EXOC2: variants seen among roughly 807,000 people sequenced by gnomAD.
The protein encoded by EXOC2 is SEC5-like 1.
A neutral mutation model predicts 131.8 loss-of-function variants in EXOC2; 70 were observed. That is an observed-to-expected ratio of 0.53 (90% CI 0.44 to 0.65). The LOEUF (loss-of-function observed/expected upper bound fraction) is 0.65, where lower values mean the gene tolerates loss of function less well. EXOC2 is among the 30% of genes least tolerant of loss of function. The pLI, the probability that EXOC2 is intolerant of heterozygous loss-of-function variation, is 0.00. For missense variants in EXOC2, 923 were observed against 1,108.6 expected, an observed-to-expected ratio of 0.83 and a Z score of 2.38; for synonymous variants, 411 against 398.4, an observed-to-expected ratio of 1.03 and a Z score of -0.38.
chr6:515,705 G>A (rs1473837940), intron 23 of EXOC2, among the ~76,000 whole-genome samples: 1 of 149,788 alleles, frequency 6.7e-6, no homozygotes, highest in African/African-American at 2.5e-5. Flanking sequence ...ATCATACAAC[G>A]ATTTCCAACA....
At chr6:683,200 C>T (rs1248698843) in intron 1 of EXOC2, among the ~76,000 whole-genome samples, 1 of 152,186 alleles carries the variant, frequency 6.6e-6, no homozygotes, top group Non-Finnish European at 1.5e-5. Context: ...AACATCAACA[C>T]CACCAACTCC....
intron 20 of EXOC2, among the ~76,000 whole-genome samples, chr6:554,190 C>T (rs890480970): frequency 2.0e-5 from 3 of 152,024 alleles, no homozygotes; most frequent in Admixed American, 6.6e-5. Context: ...TACAGGCGCC[C>T]GCCACCATGC....
intron 1 of EXOC2, among the ~76,000 whole-genome samples, chr6:686,779 G>C (rs1388952052): frequency 2.6e-5 from 4 of 152,218 alleles, no homozygotes; most frequent in African/African-American, 7.2e-5. Context: ...ATGTTGCACA[G>C]GGAAAGGCTG....
chr6:490,091 AATGTG>A (rs1379033996), intron 26 of EXOC2, among the ~76,000 whole-genome samples: 1 of 152,240 alleles, frequency 6.6e-6, no homozygotes, highest in Non-Finnish European at 1.5e-5. Context: ...AATTGAAAGA[AATGTG>A]ATGTAATTGT....
Position 633,208 on chromosome 6 carries a change from T to G in EXOC2, c.119-91A>C. ...ATTACATTTTTTAAATCTAGTCTTG[T>G]TCAATAATGACATTATTGAATATAC... On this transcript the variant is annotated intron_variant, in intron 2 of 27. Transcript: ENST00000230449. 3.7e-6 allele frequency: 5 copies of G among 1,365,674 alleles called. No homozygotes were observed. In the South Asian group the frequency reaches 6.5e-5, roughly 18 times the overall value. 84.6% of individuals were successfully genotyped at this position (1,365,674 alleles called of 1,614,324 possible).
chr6:586,123 T>C (rs1759191869), intron 11 of EXOC2, among the ~76,000 whole-genome samples: 1 of 152,232 alleles, frequency 6.6e-6, no homozygotes, highest in African/African-American at 2.4e-5. Flanking sequence ...TTTCAAATGC[T>C]CTAGCCTTCA....
chr6:689,289 CT>C (rs36084318), intron 1 of EXOC2: 22,028 of 152,202 alleles, frequency 0.14, 1,762 homozygotes, highest in African/African-American at 0.21. Context: ...TATTTTTAAT[CT>C]GAAATGCTAC....
At chr6:558,997 G>A (rs907589155) in intron 17 of EXOC2, among the ~76,000 whole-genome samples, 10 of 152,050 alleles carry the variant, frequency 6.6e-5, no homozygotes, top group African/African-American at 2.4e-4. Flanking sequence ...ACCGGGAGTA[G>A]GTGATAGTCT....
intron 1 of EXOC2, among the ~76,000 whole-genome samples, chr6:692,798 G>A (rs1018802595): frequency 8.1e-6 from 1 of 123,656 alleles, no homozygotes; most frequent in Non-Finnish European, 1.8e-5. Context: ...ACTGGCGGGG[G>A]TGGGCGCGGA....
At chr6:617,575 A>G in intron 6 of EXOC2, 136 bp downstream of exon 6, 1 of 1,254,442 alleles carries the variant, frequency 8.0e-7, no homozygotes, top group Non-Finnish European at 1.1e-6. Flanking sequence ...CTACTCTGCA[A>G]CAAATATTTA....
intron 5 of EXOC2, among the ~76,000 whole-genome samples, chr6:618,068 G>A (rs984097222): frequency 1.3e-5 from 2 of 152,106 alleles, no homozygotes; most frequent in Non-Finnish European, 2.9e-5. Context: ...CGGAGCCCTC[G>A]ATGGTAATTC....
chr6:611,186 T>G (rs1009857615), intron 6 of EXOC2, among the ~76,000 whole-genome samples: 1 of 152,182 alleles, frequency 6.6e-6, no homozygotes, highest in Non-Finnish European at 1.5e-5. Context: ...GGAAAGGAGA[T>G]GGACTATGCC....
At chr6:553,782 A>G (rs980816995) in intron 21 of EXOC2, 72 bp downstream of exon 21, 1 of 1,228,248 alleles carries the variant, frequency 8.1e-7, no homozygotes, top group African/African-American at 1.5e-5. Flanking sequence ...GCAGGAACAC[A>G]GTCATTAGAT....
At chr6:516,732 A>C (rs552942873) in intron 23 of EXOC2, among the ~76,000 whole-genome samples, 1 of 152,368 alleles carries the variant, frequency 6.6e-6, no homozygotes, top group East Asian at 1.9e-4. Context: ...CAGGGCACAC[A>C]GCTGTGAAGC....
intron 22 of EXOC2, among the ~76,000 whole-genome samples, chr6:542,832 A>G (rs938698344): frequency 9.8e-5 from 15 of 152,314 alleles, no homozygotes; most frequent in African/African-American, 3.4e-4. Flanking sequence ...AAGGTGTTGG[A>G]GTAGGGGGAC....
chr6:599,316 G>A, intron 7 of EXOC2, 91 bp from the exon 8 acceptor site: 1 of 1,171,502 alleles, frequency 8.5e-7, no homozygotes, highest in Non-Finnish European at 1.2e-6. Context: ...TGTTAATACT[G>A]CTATTGTAGT....
chr6:510,457 G>A (rs1027071467), intron 23 of EXOC2, among the ~76,000 whole-genome samples: 7 of 151,876 alleles, frequency 4.6e-5, no homozygotes, highest in East Asian at 1.9e-4. Flanking sequence ...CTCTTTCCTC[G>A]AGAAAAGAGA....
intron 22 of EXOC2, among the ~76,000 whole-genome samples, chr6:539,730 C>T (rs62388786): frequency 0.06 from 9,105 of 152,150 alleles, 341 homozygotes; most frequent in Middle Eastern, 0.11. Flanking sequence ...AGAAAATAAA[C>T]AACAAACAAT....
intron 1 of EXOC2, among the ~76,000 whole-genome samples, chr6:652,488 T>C (rs1377513155): frequency 2.6e-5 from 4 of 152,218 alleles, no homozygotes; most frequent in African/African-American, 9.7e-5. Flanking sequence ...GAATTTACTA[T>C]GTAAACATAA....
Sources: gnomAD v4.1 joint callset for allele counts (sites outside exome capture counted in the v4.1 genomes callset) on GRCh38, gnomAD v4.1.1 for gene constraint, MANE v1.5 for transcripts, NCBI Gene and HGNC (gene_info 2026-07-23, HGNC 2026-07-21) for gene names.